The following PDE9A variants were observed in gnomAD, a reference collection of about 807,000 sequenced individuals.
PDE9A encodes the protein phosphodiesterase 9A, also known as high affinity cGMP-specific 3',5'-cyclic phosphodiesterase 9A.
A neutral mutation model predicts 87.4 loss-of-function variants in PDE9A; 60 were observed. The ratio of observed to expected loss-of-function variants is 0.69; its 90% confidence interval spans 0.56 to 0.85. The LOEUF (loss-of-function observed/expected upper bound fraction) is 0.85. PDE9A is among the 40% of genes least tolerant of loss of function. The pLI is 0.00. For missense variants in PDE9A, 665 were observed against 779.0 expected (o/e 0.85, Z 1.74); for synonymous variants, 272 against 279.4 (o/e 0.97, Z 0.27).
At chr21:42,703,860 G>T (rs1376527631) in intron 4 of PDE9A, among the ~76,000 whole-genome samples, 3 of 152,218 alleles carry the variant, frequency 2.0e-5, no homozygotes, top group African/African-American at 7.2e-5. Flanking sequence ...ATTAAACTTC[G>T]CATCGTAAAG....
intron 1 of PDE9A, among the ~76,000 whole-genome samples, chr21:42,677,032 C>T (rs1381075827): frequency 6.6e-6 from 1 of 152,216 alleles, no homozygotes; most frequent in African/African-American, 2.4e-5. Context: ...GCAGAGCCCG[C>T]TCTTCCCTCC....
At chr21:42,762,357 C>A in intron 14 of PDE9A, 118 bp downstream of exon 14, 1 of 1,014,354 alleles carries the variant, frequency 9.9e-7, no homozygotes, top group Non-Finnish European at 1.4e-6. Flanking sequence ...GCCCTGGGGA[C>A]CCAAGGGAAC....
intron 1 of PDE9A, 97 bp from the exon 2 acceptor site, chr21:42,686,095 C>T (rs2059446220): frequency 1.2e-6 from 1 of 831,930 alleles, no homozygotes; most frequent in Non-Finnish European, 2.0e-6. Flanking sequence ...TCAAAACGAA[C>T]CTTCAGTTTG....
intron 4 of PDE9A, among the ~76,000 whole-genome samples, chr21:42,699,999 G>T (rs1360332718): frequency 6.6e-6 from 1 of 151,880 alleles, no homozygotes; most frequent in Non-Finnish European, 1.5e-5. Flanking sequence ...CAAGACATTT[G>T]CACCACCTAG....
intron 10 of PDE9A, 124 bp from the exon 11 acceptor site, chr21:42,758,875 G>C: frequency 1.5e-6 from 1 of 670,724 alleles, no homozygotes; most frequent in Non-Finnish European, 2.7e-6. Context: ...TTTCTGGGAG[G>C]GGGAGAACCC....
intron 1 of PDE9A, among the ~76,000 whole-genome samples, chr21:42,657,479 C>T (rs947254991): frequency 5.3e-5 from 8 of 152,192 alleles, no homozygotes; most frequent in African/African-American, 1.9e-4. Flanking sequence ...CCAGAGGATT[C>T]GTTTTTTCCT....
chr21:42,720,328 T>C (rs1436228347), intron 4 of PDE9A, among the ~76,000 whole-genome samples: 1 of 151,830 alleles, frequency 6.6e-6, no homozygotes, highest in African/African-American at 2.4e-5. Flanking sequence ...ACCCCGTCTC[T>C]ACTAAAAATA....
At chr21:42,670,279 T>TCA (rs2058387569) in intron 1 of PDE9A, among the ~76,000 whole-genome samples, 1 of 141,556 alleles carries the variant, frequency 7.1e-6, no homozygotes, top group African/African-American at 2.9e-5. Flanking sequence ...ATTCACACAT[T>TCA]CACACATACA....
intron 4 of PDE9A, among the ~76,000 whole-genome samples, chr21:42,713,629 AT>A (rs1434185860): frequency 6.6e-6 from 1 of 152,126 alleles, no homozygotes; most frequent in Non-Finnish European, 1.5e-5. Context: ...ATTTTATGTA[AT>A]TTTGGTATTA....
chr21:42,713,925 G>T (rs2049579678), intron 4 of PDE9A, among the ~76,000 whole-genome samples: 1 of 143,182 alleles, frequency 7.0e-6, no homozygotes, highest in Non-Finnish European at 1.5e-5. Context: ...TTTTGAGGTG[G>T]AGTCTCGCTT....
chr21:42,690,187 G>A (rs1441638410), intron 3 of PDE9A: 3 of 485,250 alleles, frequency 6.2e-6, no homozygotes, highest in Non-Finnish European at 5.2e-6. Context: ...AGGTAGACGC[G>A]GATGAGGACA....
At chr21:42,654,292 C>A (rs1391696600) in intron 1 of PDE9A, among the ~76,000 whole-genome samples, 3 of 152,014 alleles carry the variant, frequency 2.0e-5, no homozygotes, top group African/African-American at 7.2e-5. Context: ...GGGGCGCCGG[C>A]GGGGACACTG....
chr21:42,666,146 A>G (rs2057969059), intron 1 of PDE9A, among the ~76,000 whole-genome samples: 1 of 152,136 alleles, frequency 6.6e-6, no homozygotes, highest in Admixed American at 6.5e-5. Flanking sequence ...GCCACAACCG[A>G]GAGGGCGTGG....
At chr21:42,655,421 C>A (rs1601838124) in intron 1 of PDE9A, among the ~76,000 whole-genome samples, 1 of 152,292 alleles carries the variant, frequency 6.6e-6, no homozygotes, top group South Asian at 2.1e-4. Context: ...GGGAGGAGGA[C>A]GCTGGGCATG....
At chr21:42,765,046 G>C (rs2056256735) in intron 14 of PDE9A, among the ~76,000 whole-genome samples, 1 of 151,950 alleles carries the variant, frequency 6.6e-6, no homozygotes, top group Non-Finnish European at 1.5e-5. Flanking sequence ...TGGACAAATG[G>C]ATGGAAGGGT....
At chr21:42,762,724 G>A (rs575784450) in intron 14 of PDE9A, among the ~76,000 whole-genome samples, 5 of 151,840 alleles carry the variant, frequency 3.3e-5, no homozygotes, top group East Asian at 1.9e-4. Flanking sequence ...ACAGAGTCTC[G>A]CTCTGTTGCC....
In PDE9A at chr21:42,722,774, A is replaced by G. The variant is rs2050659078; in HGVS notation, c.263-8996A>G. On this transcript the variant is annotated intron_variant, in intron 4 of 19. Coordinates refer to ENST00000291539, the MANE Select transcript of PDE9A (RefSeq NM_002606.3). This position sits in a 1 kb window ranked among gnomAD's most constrained non-coding sequence, Gnocchi z 4.1. ...GATAGGCAAATCAGCTGGCTGGCCAATCAAATTAACTTATTGTTACACTAA... is the reference window on the plus strand; with the variant it reads ...GATAGGCAAATCAGCTGGCTGGCCAGTCAAATTAACTTATTGTTACACTAA... 6.6e-6 allele frequency among the ~76,000 whole-genome samples: 1 copy of G among 152,258 alleles called. No homozygotes were observed. Among genetic ancestry groups the G allele is most frequent in the South Asian group, 2.1e-4 (1 of 4,836 alleles).
intron 2 of PDE9A, among the ~76,000 whole-genome samples, chr21:42,687,432 G>A (rs2059538482): frequency 6.6e-6 from 1 of 152,118 alleles, no homozygotes; most frequent in African/African-American, 2.4e-5. Context: ...AGATTAACTT[G>A]GTCGAGGTAA....
At chr21:42,751,732 C>G (rs2054449437) in intron 9 of PDE9A, among the ~76,000 whole-genome samples, 1 of 147,966 alleles carries the variant, frequency 6.8e-6, no homozygotes, top group African/African-American at 2.5e-5. Flanking sequence ...AGGCAAAATC[C>G]CGGCCCACCT....
Sources: allele counts gnomAD v4.1 joint callset (sites outside exome capture counted in the v4.1 genomes callset), GRCh38; gene constraint gnomAD v4.1.1; non-coding constraint Gnocchi (gnomAD v3.1); transcripts MANE v1.5; gene names NCBI Gene and HGNC (gene_info 2026-07-23, HGNC 2026-07-21).